KLHL15: variants seen among roughly 807,000 people sequenced by gnomAD.
KLHL15 encodes kelch like family member 15.
Under a neutral mutation model 29.3 loss-of-function variants are expected in KLHL15, and 1 was observed. That is an observed-to-expected ratio of 0.03 (90% CI 0.01 to 0.16). The LOEUF (loss-of-function observed/expected upper bound fraction) is 0.16, where lower values mean the gene tolerates loss of function less well. KLHL15 is among the 10% of genes least tolerant of loss of function. The pLI, the probability that KLHL15 is intolerant of heterozygous loss-of-function variation, is 1.00. For synonymous variants in KLHL15, 212 were observed against 184.5 expected (o/e 1.15, Z -1.21); for missense variants, 215 against 478.5 (o/e 0.45, Z 5.14).
intron 2 of KLHL15, among the ~76,000 whole-genome samples, chrX:24,021,638 T>G (rs534616702): frequency 7.2e-4 from 81 of 111,984 alleles, no homozygotes; most frequent in African/African-American, 2.5e-3. Flanking sequence ...TCTCGCAACC[T>G]TCCATGTTTT....
Position 23,988,526 on chromosome X carries a change from C to T in KLHL15, c.1210G>A (p.Asp404Asn), listed in dbSNP as rs180839888. The T allele has an allele frequency of 3.2e-5, 39 of 1,209,966 alleles. No individual in the cohort carries two copies. The highest frequency in any genetic ancestry group is 4.6e-4 in the Middle Eastern group (2 of 4,355). ...YSTERYDITN[D>N]KWEFVDPYPV... Reference sequence around the variant, plus strand: ...TAAGGATCCACAAATTCCCATTTATCGTTGGTGATGTCATATCTCTCAGTT... The same window carrying T: ...TAAGGATCCACAAATTCCCATTTATTGTTGGTGATGTCATATCTCTCAGTT... The change falls in exon 4 of 4, where the codon GAT becomes AAT. Residue 404 changes from aspartate (D) to asparagine (N), a missense_variant. Asp to Asn is a conservative substitution (Grantham distance 23). Transcript: ENST00000328046.
chrX:24,000,486 T>TA (rs1035699433), intron 3 of KLHL15, among the ~76,000 whole-genome samples: 4 of 91,860 alleles, frequency 4.4e-5, no homozygotes, highest in African/African-American at 1.0e-4. Context: ...AAATAAATAA[T>TA]AAAAAAAGTT....
intron 3 of KLHL15, among the ~76,000 whole-genome samples, chrX:24,004,857 T>A (rs771460462): frequency 7.7e-4 from 84 of 109,706 alleles, no homozygotes; most frequent in Non-Finnish European, 1.3e-3. Flanking sequence ...GCCACATCAA[T>A]ACATTGAGAA....
intron 3 of KLHL15, among the ~76,000 whole-genome samples, chrX:23,996,351 C>T (rs897982999): frequency 8.9e-6 from 1 of 112,167 alleles, no homozygotes; most frequent in African/African-American, 3.2e-5. Context: ...TAGTTACTAT[C>T]GTGGTGCTTT....
intron 3 of KLHL15, among the ~76,000 whole-genome samples, chrX:23,996,179 T>C (rs1299922716): frequency 1.8e-5 from 2 of 112,348 alleles, no homozygotes; most frequent in Non-Finnish European, 3.8e-5. Context: ...TGCCTGGCCC[T>C]ATTAAAGAGG....
intron 1 of KLHL15, among the ~76,000 whole-genome samples, chrX:24,026,326 G>C (rs1929933286): frequency 8.9e-6 from 1 of 112,323 alleles, no homozygotes; most frequent in African/African-American, 3.2e-5. Flanking sequence ...TCAGAGGGCA[G>C]TGATTTTTGT....
chrX:24,019,467 G>A (rs1041340279), intron 2 of KLHL15, among the ~76,000 whole-genome samples: 1 of 110,337 alleles, frequency 9.1e-6, no homozygotes, highest in Non-Finnish European at 1.9e-5. Flanking sequence ...TGTTGCCCAG[G>A]CTGGTCTCGA....
Position 24,025,614 on chromosome X carries a change from C to T in KLHL15, c.-209-556G>A, listed in dbSNP as rs779033161. ...GCGCCCCGAGGGGGCCAGCCCGTGG[C>T]CTGGCGGGTGTTTACCTTCCCCCTG... On this transcript the variant is annotated intron_variant, in intron 1 of 3. Coordinates refer to ENST00000328046, the MANE Select transcript of KLHL15 (RefSeq NM_030624.3). 1.7e-3 allele frequency among the ~76,000 whole-genome samples: 184 copies of T among 108,202 alleles called. 2 individuals carry two copies. Among genetic ancestry groups the T allele is most frequent in the African/African-American group, 5.6e-3 (168 of 30,044 alleles). 94.0% of individuals were successfully genotyped at this position (108,202 alleles called of 115,157 possible). A position where few individuals can be genotyped will look rare whatever the true frequency, so the allele number is the denominator to read the frequency against.
chrX:23,996,946 G>C (rs183409253), intron 3 of KLHL15, among the ~76,000 whole-genome samples: 21 of 112,400 alleles, frequency 1.9e-4, no homozygotes, highest in Non-Finnish European at 1.3e-4. Context: ...ATCAGTTCAT[G>C]CTAAGCATAA....
chrX:24,001,359 G>T (rs1293687335), intron 3 of KLHL15, among the ~76,000 whole-genome samples: 1 of 111,293 alleles, frequency 9.0e-6, no homozygotes, highest in East Asian at 2.8e-4. Context: ...GGGATCATTG[G>T]GATGCTGAAT....
intron 2 of KLHL15, among the ~76,000 whole-genome samples, chrX:24,013,439 A>G (rs1929613656): frequency 9.2e-6 from 1 of 109,280 alleles, no homozygotes; most frequent in East Asian, 2.9e-4. Flanking sequence ...ATTTTTTTTT[A>G]TTTTTAGTAG....
intron 2 of KLHL15, among the ~76,000 whole-genome samples, chrX:24,024,316 A>G (rs191557151): frequency 1.5e-4 from 17 of 111,820 alleles, no homozygotes; most frequent in African/African-American, 4.2e-4. Flanking sequence ...TACATTAACC[A>G]CTCTACCAAA....
At chrX:23,992,100 A>G (rs1480555512) in intron 3 of KLHL15, among the ~76,000 whole-genome samples, 1 of 111,979 alleles carries the variant, frequency 8.9e-6, no homozygotes, top group Non-Finnish European at 1.9e-5. Context: ...CCTGTCCAGC[A>G]TGGTAATTAA....
chrX:23,994,511 A>T (rs1409047524), intron 3 of KLHL15, among the ~76,000 whole-genome samples: 1 of 112,352 alleles, frequency 8.9e-6, no homozygotes, highest in African/African-American at 3.2e-5. Context: ...AAAATGTTAA[A>T]TAAGAAAACT....
Position 24,004,712 on chromosome X carries a change from C to T in KLHL15, c.705+1277G>A, listed in dbSNP as rs755051504. On this transcript the variant is annotated intron_variant, in intron 3 of 3. Coordinates refer to ENST00000328046, the MANE Select transcript of KLHL15 (RefSeq NM_030624.3). ...GGCTGAGGCAAGAGAATCGCTTGAA[C>T]CTGGGAGGCAGAGTTTGCAGCGAGC... is the stretch of plus-strand genomic sequence containing the variant. Among the ~76,000 whole-genome samples, 8 of 108,696 alleles carry T rather than the reference C, an allele frequency of 7.4e-5. No homozygotes were observed. The South Asian group carries it at 3.2e-3, about 43-fold the overall frequency. 94.4% of individuals were successfully genotyped at this position (108,696 alleles called of 115,157 possible).
intron 3 of KLHL15, among the ~76,000 whole-genome samples, chrX:23,996,387 C>T (rs912893670): frequency 8.9e-6 from 1 of 112,007 alleles, no homozygotes; most frequent in Non-Finnish European, 1.9e-5. Flanking sequence ...CATATCAGGC[C>T]GGGCGTGGTG....
intron 2 of KLHL15, among the ~76,000 whole-genome samples, chrX:24,011,026 C>T (rs889409926): frequency 2.7e-5 from 3 of 109,971 alleles, no homozygotes; most frequent in African/African-American, 6.6e-5. Context: ...ACTAAAAAGA[C>T]GCCACTTCTC....
intron 1 of KLHL15, among the ~76,000 whole-genome samples, chrX:24,026,321 G>A (rs1929933162): frequency 8.9e-6 from 1 of 112,108 alleles, no homozygotes; most frequent in Non-Finnish European, 1.9e-5. Context: ...AACATTCAGA[G>A]GGCAGTGATT....
intron 2 of KLHL15, among the ~76,000 whole-genome samples, chrX:24,023,158 T>C (rs72620472): frequency 0.1 from 11,171 of 111,521 alleles, 649 homozygotes; most frequent in African/African-American, 0.22. Flanking sequence ...ATGCAGATTA[T>C]TAAACCAAGT....
Sources: allele counts gnomAD v4.1 joint callset (sites outside exome capture counted in the v4.1 genomes callset), GRCh38; gene constraint gnomAD v4.1.1; transcripts MANE v1.5; gene names NCBI Gene and HGNC (gene_info 2026-07-23, HGNC 2026-07-21).